ACYP2: variants seen among roughly 807,000 people sequenced by gnomAD.
ACYP2 encodes acylphosphatase 2.
A neutral mutation model predicts 11.2 loss-of-function variants in ACYP2; 12 were observed. The ratio of observed to expected loss-of-function variants is 1.08; its 90% CI spans 0.69 to 1.74. ACYP2 has a LOEUF of 1.74. ACYP2 is among the 40% of genes most tolerant of loss of function. The probability of loss-of-function intolerance (pLI) is 0.00; values close to 1 mark genes in which losing one functional copy is unlikely to be tolerated. For synonymous variants in ACYP2, 43 were observed against 32.2 expected (o/e 1.33, Z -1.13); for missense variants, 134 against 101.9 (o/e 1.31, Z -1.35).
chr2:54,054,785 C>A (rs1322117841), intron 3 of ACYP2, among the ~76,000 whole-genome samples: 2 of 152,230 alleles, frequency 1.3e-5, no homozygotes, highest in African/African-American at 4.8e-5. Context: ...ATACAAGAGA[C>A]TTCCTTCTAA....
intron 2 of ACYP2, among the ~76,000 whole-genome samples, chr2:54,001,198 A>AT (rs1445733212): frequency 1.3e-5 from 2 of 151,986 alleles, no homozygotes; most frequent in Non-Finnish European, 2.9e-5. Flanking sequence ...TCTCCAGAAA[A>AT]TTTAAGAATT....
chr2:54,150,076 A>G (rs961050813), intron 6 of ACYP2, among the ~76,000 whole-genome samples: 2 of 152,208 alleles, frequency 1.3e-5, no homozygotes, highest in Non-Finnish European at 2.9e-5. Flanking sequence ...GTGGAATTTT[A>G]TCAATACCTA....
At chr2:54,157,719 G>A (rs536982020) in intron 6 of ACYP2, among the ~76,000 whole-genome samples, 13 of 152,332 alleles carry the variant, frequency 8.5e-5, no homozygotes, top group East Asian at 1.9e-4. Context: ...AGTAAGTGCC[G>A]TGAAGGCAAT....
At chr2:54,276,410 A>G (rs1438587727) in intron 6 of ACYP2, among the ~76,000 whole-genome samples, 1 of 152,136 alleles carries the variant, frequency 6.6e-6, no homozygotes, top group Non-Finnish European at 1.5e-5. Context: ...ACTGGGGGAA[A>G]AATTACCCTT....
intron 4 of ACYP2, among the ~76,000 whole-genome samples, chr2:54,098,505 A>G (rs765959085): frequency 1.4e-4 from 21 of 152,230 alleles, no homozygotes; most frequent in African/African-American, 2.6e-4. Flanking sequence ...TTGCTTTCTC[A>G]TAGTGTCCTT....
chr2:54,139,751 C>T (rs770282736), intron 6 of ACYP2, among the ~76,000 whole-genome samples: 2 of 152,078 alleles, frequency 1.3e-5, no homozygotes, highest in South Asian at 2.1e-4. Context: ...AGTGAAGTAA[C>T]GTAACACTGA....
chr2:53,976,056 T>C (rs1327912776), intron 2 of ACYP2, among the ~76,000 whole-genome samples: 1 of 152,188 alleles, frequency 6.6e-6, no homozygotes, highest in Non-Finnish European at 1.5e-5. Context: ...TTGATGTGCT[T>C]ATTGGAACAC....
At chr2:54,180,775 C>T (rs1186790980) in intron 6 of ACYP2, among the ~76,000 whole-genome samples, 6 of 152,092 alleles carry the variant, frequency 3.9e-5, no homozygotes, top group African/African-American at 7.2e-5. Context: ...AGGTCTGTCT[C>T]GAACTCCTGA....
At chr2:54,201,668 TTCTTTCTTTCTTTCTCTCTC>T (rs1684828411) in intron 6 of ACYP2, among the ~76,000 whole-genome samples, 5 of 109,926 alleles carry the variant, frequency 4.5e-5, no homozygotes, top group African/African-American at 1.7e-4. Context: ...CTTTCTTTCT[TTCTTTCTTTCTTTCTCTCTC>T]TCTCTCTCTC....
At chr2:54,255,902 T>C (rs1198409934) in intron 6 of ACYP2, 1 of 1,614,144 alleles carries the variant, frequency 6.2e-7, no homozygotes. Flanking sequence ...CCCGCTTTGA[T>C]GGCTCCATGA....
At chr2:54,275,405 T>C (rs552041965) in intron 6 of ACYP2, among the ~76,000 whole-genome samples, 5 of 152,218 alleles carry the variant, frequency 3.3e-5, no homozygotes, top group Non-Finnish European at 5.9e-5. Context: ...AAATTGGCTA[T>C]TTCATAGAGG....
chr2:54,052,150 G>C (rs1675901337), intron 3 of ACYP2, among the ~76,000 whole-genome samples: 1 of 151,936 alleles, frequency 6.6e-6, no homozygotes, highest in Non-Finnish European at 1.5e-5. Context: ...AGATGATGAT[G>C]CTGAATAAGT....
chr2:54,000,517 G>A (rs1479206058), intron 2 of ACYP2, among the ~76,000 whole-genome samples: 2 of 152,188 alleles, frequency 1.3e-5, no homozygotes, highest in African/African-American at 4.8e-5. Context: ...TGTCAGTCAG[G>A]ATAGGCTGGG....
At chr2:54,062,210 G>C (rs1290457431) in intron 4 of ACYP2, among the ~76,000 whole-genome samples, 1 of 152,164 alleles carries the variant, frequency 6.6e-6, no homozygotes, top group Admixed American at 6.6e-5. Flanking sequence ...AGGAAGGCAT[G>C]GGTTCTCTGG....
At position 54,116,712 on chromosome 2, in the gene ACYP2, G is replaced by T. The variant is rs751117260; in HGVS notation, c.278-18741G>T. Among the ~76,000 whole-genome samples the T allele has an allele frequency of 2.6e-5, 4 of 152,086 alleles. No individual in the cohort carries two copies. In the South Asian group the frequency reaches 8.3e-4, roughly 32 times the overall value. On this transcript the variant is annotated intron_variant, in intron 4 of 6. Transcript: ENST00000607452. ...AAGGCAATTTTACCTCTATAGAAGG[G>T]TGCGACTCGCGGATGAAGCAATGGC...
At chr2:54,089,712 C>T (rs1229855001) in intron 4 of ACYP2, among the ~76,000 whole-genome samples, 1 of 152,110 alleles carries the variant, frequency 6.6e-6, no homozygotes, top group Non-Finnish European at 1.5e-5. Flanking sequence ...TGCACTCCAG[C>T]CTGGGCAACA....
At chr2:54,250,530 C>G (rs1475709747) in intron 6 of ACYP2, among the ~76,000 whole-genome samples, 1 of 151,990 alleles carries the variant, frequency 6.6e-6, no homozygotes, top group East Asian at 1.9e-4. Context: ...CTACCAATAG[C>G]AAAGAGAAAA....
intron 6 of ACYP2, among the ~76,000 whole-genome samples, chr2:54,201,458 A>C (rs181476229): frequency 6.6e-6 from 1 of 152,050 alleles, no homozygotes. Context: ...TATTTTGAAT[A>C]CTAGAACCTT....
chr2:54,296,447 G>T (rs1689527766), intron 6 of ACYP2, among the ~76,000 whole-genome samples: 1 of 152,166 alleles, frequency 6.6e-6, no homozygotes, highest in African/African-American at 2.4e-5. Flanking sequence ...TACACAAATA[G>T]ATTTTTCCTT....
Sources: allele counts gnomAD v4.1 joint callset (sites outside exome capture counted in the v4.1 genomes callset), GRCh38; gene constraint gnomAD v4.1.1; transcripts MANE v1.5; gene names NCBI Gene and HGNC (gene_info 2026-07-23, HGNC 2026-07-21).